The following UBR1 variants were observed in gnomAD, a reference collection of about 807,000 sequenced individuals.
The protein encoded by UBR1 is ubiquitin protein ligase E3 component n-recognin 1, also known as E3 ubiquitin-protein ligase UBR1.
UBR1 carries 102 observed loss-of-function variants against 242.1 expected under a neutral mutation model. The observed-to-expected ratio is 0.42, with a 90% CI of 0.36 to 0.50. UBR1 has a LOEUF of 0.50. Among genes scored for constraint, UBR1 ranks in the 20% least tolerant of loss-of-function variants. The pLI, the probability that UBR1 is intolerant of heterozygous loss-of-function variation, is 0.01. For missense variants in UBR1, 1,772 were observed against 2,101.8 expected (o/e 0.84, Z 3.07); for synonymous variants, 675 against 684.8 (o/e 0.99, Z 0.22).
chr15:43,019,507 C>T (rs927200540), intron 27 of UBR1, among the ~76,000 whole-genome samples: 57 of 151,178 alleles, frequency 3.8e-4, no homozygotes, highest in African/African-American at 1.3e-3. Flanking sequence ...ATTATCAAAA[C>T]AATACTTACC....
At chr15:42,974,342 T>C (rs2032255232) in intron 39 of UBR1, among the ~76,000 whole-genome samples, 1 of 152,254 alleles carries the variant, frequency 6.6e-6, no homozygotes, top group African/African-American at 2.4e-5. Flanking sequence ...AAGACTACCT[T>C]TGATCCTTTG....
At chr15:43,100,443 A>G (rs1008302775) in intron 1 of UBR1, among the ~76,000 whole-genome samples, 1 of 152,076 alleles carries the variant, frequency 6.6e-6, no homozygotes, top group Non-Finnish European at 1.5e-5. Flanking sequence ...CCATCCACCA[A>G]TCACTACTAA....
intron 4 of UBR1, among the ~76,000 whole-genome samples, chr15:43,073,071 G>T (rs909345667): frequency 2.0e-5 from 3 of 151,894 alleles, no homozygotes; most frequent in South Asian, 2.1e-4. Flanking sequence ...TGAGACATGA[G>T]AACTGCTTGA....
At chr15:42,967,901 G>T (rs2032136528) in intron 40 of UBR1, among the ~76,000 whole-genome samples, 1 of 150,008 alleles carries the variant, frequency 6.7e-6, no homozygotes, top group South Asian at 2.1e-4. Context: ...TCTACACAAG[G>T]GTTAAATATA....
chr15:43,013,995 C>A (rs1299952739), intron 29 of UBR1, among the ~76,000 whole-genome samples: 3 of 152,216 alleles, frequency 2.0e-5, no homozygotes, highest in Admixed American at 1.3e-4. Context: ...GATTCTCCTG[C>A]CTCAGCCTGC....
At position 43,050,687 on chromosome 15, in the gene UBR1, G is replaced by A. The variant is rs139256909; in HGVS notation, c.1440-2196C>T. Among the ~76,000 whole-genome samples, 210 of 147,158 alleles carry A rather than the reference G, an allele frequency of 1.4e-3. 4 individuals are homozygous for A. In the East Asian group the frequency reaches 0.032, roughly 23 times the overall value. ...TGCAGTGAGCCAAGATAGTGCTACTGCATTCCAGCCTGGGCAACAGAGCGA... is the reference window on the plus strand; with the variant it reads ...TGCAGTGAGCCAAGATAGTGCTACTACATTCCAGCCTGGGCAACAGAGCGA... On this transcript the variant is annotated intron_variant, in intron 12 of 46. Transcript: ENST00000290650.
intron 29 of UBR1, among the ~76,000 whole-genome samples, chr15:43,008,000 T>A (rs762843687): frequency 6.6e-6 from 1 of 152,230 alleles, no homozygotes. Context: ...TACTGAGGCG[T>A]ACAATAATAT....
chr15:43,038,628 G>A (rs1183761707), intron 15 of UBR1, among the ~76,000 whole-genome samples: 1 of 152,034 alleles, frequency 6.6e-6, no homozygotes, highest in Admixed American at 6.6e-5. Flanking sequence ...TGAGTTAAAT[G>A]TATGTTTACT....
rs967070807 is a variant in UBR1, at chr15:43,060,172, A to G, written c.799-58T>C. 2.4e-5 allele frequency: 37 copies of G among 1,519,828 alleles called. 1 individual carries two copies. In the Admixed American group the frequency reaches 6.2e-4, roughly 25 times the overall value. The allele number at this position is 1,519,828 out of a possible 1,614,324, so 94.1% of individuals were successfully genotyped here. Reference sequence around the variant, plus strand: ...GAAATGATAACCACAATCAATAAGCAATATGTAGCCCAAAGACTTAATGAG... The same window carrying G: ...GAAATGATAACCACAATCAATAAGCGATATGTAGCCCAAAGACTTAATGAG... On this transcript the variant is annotated intron_variant, in intron 6 of 46. Coordinates refer to ENST00000290650, the MANE Select transcript of UBR1 (RefSeq NM_174916.3).
intron 1 of UBR1, among the ~76,000 whole-genome samples, chr15:43,105,054 T>C (rs2034280965): frequency 6.6e-6 from 1 of 152,110 alleles, no homozygotes; most frequent in Non-Finnish European, 1.5e-5. Context: ...TAAAATAATG[T>C]TTTTATTAAA....
At chr15:43,075,974 TCCCTC>T (rs2033885064) in intron 3 of UBR1, among the ~76,000 whole-genome samples, 1 of 152,026 alleles carries the variant, frequency 6.6e-6, no homozygotes, top group Admixed American at 6.5e-5. Context: ...CCTCTCCCTC[TCCCTC>T]TCCCTCTCTC....
chr15:42,991,298 C>T (rs1212213305), intron 33 of UBR1, among the ~76,000 whole-genome samples: 3 of 151,800 alleles, frequency 2.0e-5, no homozygotes, highest in South Asian at 4.2e-4. Context: ...GATGAGGTCT[C>T]GCTATGTTTT....
intron 6 of UBR1, among the ~76,000 whole-genome samples, chr15:43,062,279 G>A (rs2033697863): frequency 6.6e-6 from 1 of 152,046 alleles, no homozygotes; most frequent in East Asian, 1.9e-4. Context: ...AAAATATGGT[G>A]TGTGTGTATA....
intron 1 of UBR1, among the ~76,000 whole-genome samples, chr15:43,098,949 T>C (rs1954720630): frequency 6.6e-6 from 1 of 152,178 alleles, no homozygotes; most frequent in Admixed American, 6.5e-5. Flanking sequence ...TAAAACAATA[T>C]AGATTCAAAT....
intron 10 of UBR1, among the ~76,000 whole-genome samples, chr15:43,057,292 A>G (rs1324466631): frequency 6.6e-6 from 1 of 152,158 alleles, no homozygotes; most frequent in Non-Finnish European, 1.5e-5. Flanking sequence ...CTGCATATAA[A>G]ATCCAGGTAA....
intron 33 of UBR1, among the ~76,000 whole-genome samples, chr15:42,991,203 G>T (rs999681859): frequency 2.0e-5 from 3 of 151,746 alleles, no homozygotes; most frequent in Admixed American, 2.0e-4. Flanking sequence ...TTGAACCCAG[G>T]GGGTGGAGTC....
chr15:42,994,800 C>T (rs988475895), intron 33 of UBR1, among the ~76,000 whole-genome samples: 1 of 152,196 alleles, frequency 6.6e-6, no homozygotes, highest in Non-Finnish European at 1.5e-5. Flanking sequence ...ACCACCACCT[C>T]TCACCATGTC....
At chr15:42,986,815 G>A (rs1174204827) in intron 35 of UBR1, among the ~76,000 whole-genome samples, 3 of 152,172 alleles carry the variant, frequency 2.0e-5, no homozygotes, top group African/African-American at 2.4e-5. Context: ...GCCACGCCAC[G>A]GCAGTACCCG....
At chr15:43,089,813 G>C (rs747993193) in intron 1 of UBR1, among the ~76,000 whole-genome samples, 10 of 152,142 alleles carry the variant, frequency 6.6e-5, no homozygotes, top group Non-Finnish European at 1.3e-4. Flanking sequence ...AACCCAAAAT[G>C]AGGGACATTC....
Sources: gnomAD v4.1 joint callset for allele counts (sites outside exome capture counted in the v4.1 genomes callset) on GRCh38, gnomAD v4.1.1 for gene constraint, MANE v1.5 for transcripts, NCBI Gene and HGNC (gene_info 2026-07-23, HGNC 2026-07-21) for gene names.